The following GLIS3 variants were observed in gnomAD, a reference collection of about 807,000 sequenced individuals.
GLIS3 encodes zinc finger protein GLIS3.
A neutral mutation model predicts 78.6 loss-of-function variants in GLIS3; 53 were observed. That is an observed-to-expected ratio of 0.67 (90% confidence interval 0.54 to 0.85). The LOEUF (loss-of-function observed/expected upper bound fraction) is 0.85. Among genes scored for constraint, GLIS3 ranks in the 40% least tolerant of loss-of-function variants. The pLI is 0.00. For synonymous variants in GLIS3, 684 were observed against 509.9 expected, an observed-to-expected ratio of 1.34 and a Z score of -4.60; for missense variants, 1,703 against 1,231.1, an observed-to-expected ratio of 1.38 and a Z score of -5.74.
chr9:4,238,645 C>T (rs527345971), intron 2 of GLIS3, among the ~76,000 whole-genome samples: 1 of 152,134 alleles, frequency 6.6e-6, no homozygotes, highest in Non-Finnish European at 1.5e-5. Flanking sequence ...TAACCAAAAA[C>T]AAAACAAAAC....
intron 4 of GLIS3, among the ~76,000 whole-genome samples, chr9:4,073,496 T>A (rs185173554): frequency 6.6e-6 from 1 of 152,298 alleles, no homozygotes; most frequent in Admixed American, 6.5e-5. Flanking sequence ...CGCCCAGGCT[T>A]AGAGAGCTGG....
At chr9:4,382,827 T>TA in the GLIS3 span, among the ~76,000 whole-genome samples, 2 of 152,162 alleles carry the variant, frequency 1.3e-5, no homozygotes, top group African/African-American at 2.4e-5. Context: ...AAGCAGACCA[T>TA]AAAAATCTGT....
intron 2 of GLIS3, among the ~76,000 whole-genome samples, chr9:4,312,194 A>T (rs1283137658): frequency 6.6e-6 from 1 of 152,260 alleles, no homozygotes; most frequent in Admixed American, 6.5e-5. Context: ...CAGGCTGGGC[A>T]TGGTGACTCA....
intron 7 of GLIS3, among the ~76,000 whole-genome samples, chr9:3,892,644 G>A (rs910158601): frequency 1.3e-5 from 2 of 152,048 alleles, no homozygotes; most frequent in African/African-American, 4.8e-5. Flanking sequence ...AAATTTCACT[G>A]TGGCTACAAA....
At chr9:4,209,112 G>T (rs1226403209) in intron 2 of GLIS3, among the ~76,000 whole-genome samples, 4 of 152,134 alleles carry the variant, frequency 2.6e-5, no homozygotes, top group African/African-American at 9.7e-5. Flanking sequence ...TAAGTCCTAA[G>T]ATTTTCTTCC....
At chr9:4,322,133 G>C (rs1003105681) in intron 2 of GLIS3, among the ~76,000 whole-genome samples, 1 of 152,046 alleles carries the variant, frequency 6.6e-6, no homozygotes, top group African/African-American at 2.4e-5. Flanking sequence ...GCGGTGTTTG[G>C]TTTTCCATCC....
At chr9:4,364,583 T>C in the GLIS3 span, among the ~76,000 whole-genome samples, 1 of 152,028 alleles carries the variant, frequency 6.6e-6, no homozygotes, top group African/African-American at 2.4e-5. Flanking sequence ...GCTCAAAATG[T>C]CTATGTAGGC....
chr9:4,179,090 T>C (rs781249797), intron 2 of GLIS3, among the ~76,000 whole-genome samples: 2 of 152,222 alleles, frequency 1.3e-5, no homozygotes, highest in Non-Finnish European at 2.9e-5. Context: ...GTGCAATAAT[T>C]CACACCTTGG....
chr9:3,888,012 G>T (rs1822190440), intron 7 of GLIS3, among the ~76,000 whole-genome samples: 1 of 152,012 alleles, frequency 6.6e-6, no homozygotes. Context: ...TCATGACACA[G>T]AAAGTCAGTA....
chr9:3,967,024 AAAAAAAAAAC>A lies in GLIS3; in HGVS notation c.1711-29845_1711-29836del, dbSNP rs1227081141. Among the ~76,000 whole-genome samples the A allele has an allele frequency of 1.3e-4, 19 of 145,710 alleles. 1 individual carries two copies. The highest frequency in any genetic ancestry group is 1.8e-4 in the African/African-American group (7 of 39,014). Reference sequence around the variant, plus strand: ...AATTTCTTTCTGCAAAAAAAAAAAAAAAAAAAAAACAAAAAAACATTTTGAGGATTTCTCA... The same window carrying A: ...AATTTCTTTCTGCAAAAAAAAAAAAAAAAAAAACATTTTGAGGATTTCTCA... On this transcript the variant is annotated intron_variant, in intron 4 of 10. Transcript: ENST00000381971.
chr9:4,488,521 T>C, the GLIS3 span, among the ~76,000 whole-genome samples: 1 of 122,948 alleles, frequency 8.1e-6, no homozygotes, highest in African/African-American at 3.0e-5. Flanking sequence ...GCACGCTCTC[T>C]CTCTTTTTTT....
intron 4 of GLIS3, among the ~76,000 whole-genome samples, chr9:4,012,765 C>CTTTTT (rs71324278): frequency 1.2e-3 from 82 of 66,496 alleles, no homozygotes; most frequent in African/African-American, 1.9e-3. Flanking sequence ...TTTTCTTTTT[C>CTTTTT]TTTTTTTTTT....
chr9:4,243,746 G>A (rs1823546301), intron 2 of GLIS3, among the ~76,000 whole-genome samples: 2 of 152,122 alleles, frequency 1.3e-5, no homozygotes, highest in African/African-American at 4.8e-5. Flanking sequence ...TCATCTGCCT[G>A]GAATGGATTA....
Position 4,341,044 on chromosome 9 carries a change from G to T in GLIS3, n.264+6037C>A, listed in dbSNP as rs116583197. 1.7e-3 allele frequency among the ~76,000 whole-genome samples: 256 copies of T among 152,252 alleles called. 1 individual carries two copies. The highest frequency in any genetic ancestry group is 5.8e-3 in the African/African-American group (239 of 41,546). ...ATCTGACATCCTTGAATAGCCTCTG[G>T]ACTGCAAGTCTTTCTTCCCTCTAAT... On this transcript the variant is annotated intron_variant and non_coding_transcript_variant, in intron 2 of 4. Transcript: ENST00000471664.
chr9:4,104,951 C>T (rs756980712), intron 4 of GLIS3, among the ~76,000 whole-genome samples: 44 of 152,254 alleles, frequency 2.9e-4, no homozygotes, highest in South Asian at 2.1e-3. Flanking sequence ...TTGTTAGAGG[C>T]CTTGCTGTTT....
intron 2 of GLIS3, among the ~76,000 whole-genome samples, chr9:4,196,657 A>C (rs938974456): frequency 3.9e-5 from 6 of 152,152 alleles, no homozygotes; most frequent in African/African-American, 1.4e-4. Flanking sequence ...AAACCAACCA[A>C]AAGGAAGAAA....
Position 4,118,749 on chromosome 9 carries a change from C to G in GLIS3, c.729G>C (p.Gln243His), listed in dbSNP as rs377279882. 17 of 1,613,822 alleles carry G rather than the reference C, an allele frequency of 1.1e-5. No homozygotes were observed. Among genetic ancestry groups the G allele is most frequent in the Admixed American group, 1.7e-5 (1 of 59,990 alleles). ...GGAGATCCCCTAGATCAAGGCCATT[C>G]TGAGAGCCGTGGTTGGAGAGCGAAG... ...ALPSLSNHGS[Q>H]NGLDLGDLLS... The change falls in exon 4 of 11, where the codon CAG becomes CAC. Residue 243 changes from glutamine (Q) to histidine (H), a missense_variant. By Grantham distance (24) the Gln-to-His change is conservative. Transcript: ENST00000381971. This position sits in a 1 kb window ranked among gnomAD's most constrained non-coding sequence, Gnocchi z 4.7.
At chr9:3,899,742 ATATT>A (rs1823143883) in intron 6 of GLIS3, among the ~76,000 whole-genome samples, 1 of 152,358 alleles carries the variant, frequency 6.6e-6, no homozygotes, top group South Asian at 2.1e-4. Flanking sequence ...CAGTCAACAA[ATATT>A]TATTAAGTGT....
chr9:4,396,836 G>A, the GLIS3 span, among the ~76,000 whole-genome samples: 2 of 151,998 alleles, frequency 1.3e-5, no homozygotes, highest in African/African-American at 2.4e-5. Context: ...ACGGGCTTGT[G>A]AGGTTTTGAA....
Sources: gnomAD v4.1 joint callset for allele counts (sites outside exome capture counted in the v4.1 genomes callset) on GRCh38, gnomAD v4.1.1 for gene constraint, Gnocchi (gnomAD v3.1) non-coding constraint, MANE v1.5 for transcripts, NCBI Gene and HGNC (gene_info 2026-07-23, HGNC 2026-07-21) for gene names.